Variants in DPF3 observed in about 807,000 individuals in gnomAD.
DPF3 encodes zinc finger protein DPF3.
A neutral mutation model predicts 56.8 loss-of-function variants in DPF3; 18 were observed. That is an observed-to-expected ratio of 0.32 (90% CI 0.22 to 0.47). The LOEUF is 0.47. Ranked by LOEUF, DPF3 falls within the 20% of genes least tolerant of loss-of-function variation. The probability of loss-of-function intolerance (pLI) is 1.00; values close to 1 mark genes in which losing one functional copy is unlikely to be tolerated. For synonymous variants in DPF3, 188 were observed against 180.2 expected, an observed-to-expected ratio of 1.04 and a Z score of -0.35; for missense variants, 403 against 488.8, an observed-to-expected ratio of 0.82 and a Z score of 1.65.
intron 8 of DPF3, among the ~76,000 whole-genome samples, chr14:72,632,183 T>C (rs1885207814): frequency 6.6e-6 from 1 of 152,268 alleles, no homozygotes; most frequent in South Asian, 2.1e-4. Context: ...GGTCACATTT[T>C]GTTTTTAAAG....
intron 1 of DPF3, among the ~76,000 whole-genome samples, chr14:72,882,882 C>T (rs1886373226): frequency 6.6e-6 from 1 of 152,174 alleles, no homozygotes; most frequent in Admixed American, 6.5e-5. Flanking sequence ...CTAGCACTTA[C>T]TTTGCCCTGC....
At chr14:72,654,518 G>A (rs1886011127) in intron 8 of DPF3, among the ~76,000 whole-genome samples, 1 of 152,090 alleles carries the variant, frequency 6.6e-6, no homozygotes, top group African/African-American at 2.4e-5. Flanking sequence ...CTTACACAGT[G>A]GAGAAGCCTT....
At chr14:72,634,936 C>T (rs189282062) in intron 8 of DPF3, among the ~76,000 whole-genome samples, 13 of 152,224 alleles carry the variant, frequency 8.5e-5, no homozygotes, top group Admixed American at 8.5e-4. Flanking sequence ...TCAGCCCAGC[C>T]GGATCATTAA....
chr14:72,818,860 G>C (rs1275289012), intron 1 of DPF3, among the ~76,000 whole-genome samples: 1 of 152,080 alleles, frequency 6.6e-6, no homozygotes, highest in Non-Finnish European at 1.5e-5. Context: ...ACAAGCCACA[G>C]ATTGGGAGAA....
chr14:72,619,371 C>T lies in DPF3; in HGVS notation c.1067-4G>A, dbSNP rs1240767497. The T allele has an allele frequency of 2.0e-6, 3 of 1,536,110 alleles. No homozygotes were observed. In the South Asian group the frequency reaches 3.6e-5, roughly 18 times the overall value. ...CATAAGTGGCAGCTCCAGCTTCCTG[C>T]AAGAAATGAGACGGCTTTAGTAGCA... is the stretch of plus-strand genomic sequence containing the variant. On this transcript the variant is annotated splice_polypyrimidine_tract_variant and splice_region_variant and intron_variant, in intron 10 of 10. Coordinates refer to ENST00000556509, the MANE Select transcript of DPF3 (RefSeq NM_001280542.3).
chr14:72,751,519 T>C (rs181958910), intron 3 of DPF3, among the ~76,000 whole-genome samples: 15 of 152,280 alleles, frequency 9.9e-5, no homozygotes, highest in Non-Finnish European at 1.6e-4. Context: ...GACCGCACTT[T>C]GAATGTAGGT....
At chr14:72,825,325 T>C (rs1213264920) in intron 1 of DPF3, among the ~76,000 whole-genome samples, 2 of 152,374 alleles carry the variant, frequency 1.3e-5, no homozygotes, top group East Asian at 1.9e-4. Flanking sequence ...TAAATACTTA[T>C]TGAATTGAAT....
At chr14:72,822,928 T>A (rs1436996279) in intron 1 of DPF3, among the ~76,000 whole-genome samples, 1 of 152,220 alleles carries the variant, frequency 6.6e-6, no homozygotes, top group Non-Finnish European at 1.5e-5. Flanking sequence ...TTTTTGAGCA[T>A]CAACATGACT....
chr14:72,736,467 T>C (rs971070006), intron 3 of DPF3, among the ~76,000 whole-genome samples: 1 of 152,152 alleles, frequency 6.6e-6, no homozygotes, highest in Non-Finnish European at 1.5e-5. Context: ...GTCCACGTAA[T>C]AGCTGCCGAG....
intron 1 of DPF3, among the ~76,000 whole-genome samples, chr14:72,829,530 G>A (rs1266291039): frequency 1.3e-5 from 2 of 151,690 alleles, no homozygotes; most frequent in Non-Finnish European, 2.9e-5. Context: ...GATTACAGGT[G>A]CCCACCACCA....
chr14:72,779,916 G>C (rs1891901391), intron 1 of DPF3, among the ~76,000 whole-genome samples: 1 of 152,242 alleles, frequency 6.6e-6, no homozygotes, highest in African/African-American at 2.4e-5. Flanking sequence ...CTGAGCCTCA[G>C]GCATCCAGGA....
intron 7 of DPF3, 122 bp from the exon 8 acceptor site, chr14:72,674,490 G>A (rs867593944): frequency 7.1e-7 from 1 of 1,406,640 alleles, no homozygotes; most frequent in Non-Finnish European, 9.4e-7. Flanking sequence ...TTATAACCAA[G>A]TTGGCAAATT....
intron 2 of DPF3, among the ~76,000 whole-genome samples, chr14:72,757,891 C>T (rs1222875628): frequency 2.0e-5 from 3 of 151,658 alleles, no homozygotes; most frequent in African/African-American, 7.3e-5. Flanking sequence ...AATGGGGATA[C>T]ACACATATTC....
intron 8 of DPF3, among the ~76,000 whole-genome samples, chr14:72,649,678 T>G: frequency 6.7e-6 from 1 of 148,164 alleles, no homozygotes; most frequent in African/African-American, 2.5e-5. Context: ...GGGATTAATG[T>G]ATTAGTACTA....
intron 3 of DPF3, among the ~76,000 whole-genome samples, chr14:72,749,925 GCTCA>G (rs1567220675): frequency 6.6e-6 from 1 of 151,912 alleles, no homozygotes; most frequent in African/African-American, 2.4e-5. Context: ...CCCTCACTAC[GCTCA>G]CTATGCTTGA....
At chr14:72,655,711 AG>A (rs1397993478) in intron 8 of DPF3, among the ~76,000 whole-genome samples, 3 of 152,270 alleles carry the variant, frequency 2.0e-5, no homozygotes, top group Admixed American at 2.0e-4. Context: ...ACATTGCTTC[AG>A]TGTGAATATA....
intron 1 of DPF3, among the ~76,000 whole-genome samples, chr14:72,854,670 A>C (rs1386220431): frequency 2.6e-5 from 4 of 152,230 alleles, no homozygotes; most frequent in Non-Finnish European, 4.4e-5. Flanking sequence ...TGGAATTCGA[A>C]AGGAGTGAAA....
At chr14:72,697,613 G>A (rs985360513) in intron 6 of DPF3, among the ~76,000 whole-genome samples, 2 of 152,208 alleles carry the variant, frequency 1.3e-5, no homozygotes, top group African/African-American at 4.8e-5. Flanking sequence ...TCCTGACAAT[G>A]GGGCAGCCAG....
intron 1 of DPF3, among the ~76,000 whole-genome samples, chr14:72,834,368 G>A (rs1249801097): frequency 1.3e-5 from 2 of 151,598 alleles, no homozygotes; most frequent in Non-Finnish European, 2.9e-5. Flanking sequence ...ATGGTGGCAG[G>A]CATCTGTAAT....
Sources: gnomAD v4.1 joint callset for allele counts (sites outside exome capture counted in the v4.1 genomes callset) on GRCh38, gnomAD v4.1.1 for gene constraint, MANE v1.5 for transcripts, NCBI Gene and HGNC (gene_info 2026-07-23, HGNC 2026-07-21) for gene names.